Variants in DRG2 observed in about 807,000 individuals in gnomAD.
DRG2 encodes developmentally-regulated GTP-binding protein 2.
A neutral mutation model predicts 53.4 loss-of-function variants in DRG2; 36 were observed. The ratio of observed to expected loss-of-function variants is 0.67; its 90% CI spans 0.52 to 0.89. The LOEUF (loss-of-function observed/expected upper bound fraction) is 0.89. Ranked by LOEUF, DRG2 falls within the 40% of genes least tolerant of loss-of-function variation. The pLI, the probability that DRG2 is intolerant of heterozygous loss-of-function variation, is 0.00. For synonymous variants in DRG2, 167 were observed against 192.1 expected (o/e 0.87, Z 1.08); for missense variants, 342 against 481.2 (o/e 0.71, Z 2.71).
rs2045479083 is a variant in DRG2 at position 18,098,952 on chromosome 17, T to C, written c.316-65T>C. The C allele has an allele frequency of 8.8e-6, 14 of 1,586,742 alleles. No individual in the cohort carries two copies. Among genetic ancestry groups the C allele is most frequent in the East Asian group, 2.2e-5 (1 of 44,612 alleles). Reference sequence around the variant, plus strand: ...CCGGGGCCATTCCAGATGTCCCAGATCCAGACAGGACCTTTCCAGTGGAGG... The same window carrying C: ...CCGGGGCCATTCCAGATGTCCCAGACCCAGACAGGACCTTTCCAGTGGAGG... On this transcript the variant is annotated intron_variant, in intron 3 of 12. Coordinates refer to ENST00000225729, the MANE Select transcript of DRG2 (RefSeq NM_001388.5). This position sits in a 1 kb window ranked among gnomAD's most constrained non-coding sequence, Gnocchi z 4.1.
rs559616099 is a variant in DRG2 at position 18,107,244 on chromosome 17, C to G, written c.*4C>G. 1 of 1,612,246 alleles carries G rather than the reference C, an allele frequency of 6.2e-7. No homozygotes were observed. The highest frequency in any genetic ancestry group is 1.3e-5 in the African/African-American group (1 of 75,064). On this transcript the variant is annotated 3_prime_UTR_variant, in exon 13 of 13. Transcript: ENST00000225729. ...CATCCAGATCGTGAAGAAGTAACGG[C>G]GCCTGCCGGGCCTCCCGCCCACCTG...
In DRG2 at chr17:18,103,789, C is replaced by G; in HGVS notation, c.807-12C>G. On this transcript the variant is annotated splice_polypyrimidine_tract_variant and intron_variant, in intron 9 of 12. Transcript: ENST00000225729. This position sits in a 1 kb window ranked among gnomAD's most constrained non-coding sequence, Gnocchi z 4.4. ...GGGGCCCCTGCCTGACTGGCCGCCTCCCTCTTTGCAGCTGCGGCATGAAGC... is the reference window on the plus strand; with the variant it reads ...GGGGCCCCTGCCTGACTGGCCGCCTGCCTCTTTGCAGCTGCGGCATGAAGC... 1 of 1,614,078 alleles carries G rather than the reference C, an allele frequency of 6.2e-7. No homozygotes were observed.
At position 18,093,907 on chromosome 17, in the gene DRG2, G is replaced by C. The variant is rs2045381675; in HGVS notation, c.159G>C (p.Glu53Asp). 4 of 1,614,090 alleles carry C rather than the reference G, an allele frequency of 2.5e-6. No individual in the cohort carries two copies. In the South Asian group the frequency reaches 4.4e-5, roughly 18 times the overall value. ...EPSKSASSKG[E>D]GFDVMKSGDA... ...CCAAATCGGCCTCGTCCAAAGGAGA[G>C]GGCTTTGATGTCATGAAGTCGGGTG... The change falls in exon 2 of 13, where the codon GAG becomes GAC. Residue 53 changes from glutamate to aspartate, a missense_variant. By Grantham distance (45) the Glu-to-Asp change is conservative (BLOSUM62 2). Coordinates refer to ENST00000225729, the MANE Select transcript of DRG2 (RefSeq NM_001388.5).
At chr17:18,090,406 ATTTTTTTTTT>A (rs1186716416) in intron 1 of DRG2, among the ~76,000 whole-genome samples, 1 of 22,704 alleles carries the variant, frequency 4.4e-5, no homozygotes, top group Non-Finnish European at 7.3e-5. Context: ...ATATATATAT[ATTTTTTTTTT>A]TTTTTTTTTT....
chr17:18,099,465 A>T lies in DRG2; in HGVS notation c.377-168A>T. Reference sequence around the variant, plus strand: ...TGGTGGTGTCGGATTTTCTTCTGAAATAAGTCTCCGTCAGTAAAACATGTG... The same window carrying T: ...TGGTGGTGTCGGATTTTCTTCTGAATTAAGTCTCCGTCAGTAAAACATGTG... On this transcript the variant is annotated intron_variant, in intron 4 of 12. Transcript: ENST00000225729. The surrounding 1 kb of genome is among the most constrained non-coding windows in gnomAD (Gnocchi z 4.4). 1.4e-6 allele frequency: 1 copy of T among 723,094 alleles called. No homozygotes were observed. The highest frequency in any genetic ancestry group is 1.7e-5 in the South Asian group (1 of 60,596). The allele number at this position is 723,094 out of a possible 1,614,324, so 44.8% of individuals were successfully genotyped here.
rs2045504303 is a variant in DRG2, at chr17:18,100,155, C to T, written c.468-208C>T. ...CTTGCCTGTGCATGCCGACCGTAAACCGGGCCAGTCCCCTCTGGGACTGTG... is the reference window on the plus strand; with the variant it reads ...CTTGCCTGTGCATGCCGACCGTAAATCGGGCCAGTCCCCTCTGGGACTGTG... On this transcript the variant is annotated intron_variant, in intron 5 of 12. Transcript: ENST00000225729. The surrounding 1 kb of genome is among the most constrained non-coding windows in gnomAD (Gnocchi z 4.1). 1.6e-6 allele frequency: 1 copy of T among 618,118 alleles called. No individual in the cohort carries two copies. The highest frequency in any genetic ancestry group is 2.0e-5 in the South Asian group (1 of 51,236). The allele number at this position is 618,118 out of a possible 1,614,324, so 38.3% of individuals were successfully genotyped here.
chr17:18,099,412 C>T lies in DRG2; in HGVS notation c.377-221C>T, dbSNP rs117146963. ...ATGGTAGGGGTGGGCGTAGGACAGC[C>T]GTTATTATCCTGTTACTCCTTTTAT... On this transcript the variant is annotated intron_variant, in intron 4 of 12. Transcript: ENST00000225729. This position sits in a 1 kb window ranked among gnomAD's most constrained non-coding sequence, Gnocchi z 4.4. 5.3e-3 allele frequency: 3,356 copies of T among 631,492 alleles called. 22 individuals are homozygous for T. The highest frequency in any genetic ancestry group is 8.0e-3 in the Middle Eastern group (20 of 2,512). 39.1% of individuals were successfully genotyped at this position (631,492 alleles called of 1,614,324 possible). A position where few individuals can be genotyped will look rare whatever the true frequency, so the allele number is the denominator to read the frequency against.
At chr17:18,097,765 A>G (rs1290379930) in intron 2 of DRG2, 2 of 152,618 alleles carry the variant, frequency 1.3e-5, no homozygotes, top group East Asian at 3.9e-4. Context: ...GGTCACATCC[A>G]CATCTTCCCA....
Position 18,100,777 on chromosome 17 carries a change from C to T in DRG2, c.631+118C>T. 1.0e-6 allele frequency: 1 copy of T among 973,094 alleles called. No individual in the cohort carries two copies. The highest frequency in any genetic ancestry group is 2.6e-5 in the East Asian group (1 of 38,068). The allele number at this position is 973,094 out of a possible 1,614,324, so 60.3% of individuals were successfully genotyped here. A position where few individuals can be genotyped will look rare whatever the true frequency, so the allele number is the denominator to read the frequency against. ...GTGGCAGCAGGTCACCCCCACTGCC[C>T]CTGCTGTCCATTCAAGTAGCCTCTG... On this transcript the variant is annotated intron_variant, in intron 7 of 12. Transcript: ENST00000225729. This position sits in a 1 kb window ranked among gnomAD's most constrained non-coding sequence, Gnocchi z 4.1.
intron 1 of DRG2, chr17:18,091,928 T>G (rs2045341363): frequency 6.6e-6 from 1 of 152,172 alleles, no homozygotes; most frequent in South Asian, 2.1e-4. Context: ...ATTAAGAAAC[T>G]GATGCACAAG....
In DRG2 at chr17:18,098,547, G is replaced by C; in HGVS notation, c.315+188G>C. 1.8e-6 allele frequency: 1 copy of C among 557,100 alleles called. No homozygotes were observed. The highest frequency in any genetic ancestry group is 2.0e-5 in the South Asian group (1 of 49,658). The allele number at this position is 557,100 out of a possible 1,614,324, so 34.5% of individuals were successfully genotyped here. ...AGCTGCTGGACCCCAGAGATGCCTG[G>C]TGGGGCCTGGAACTAGGAGGTCAGG... On this transcript the variant is annotated intron_variant, in intron 3 of 12. Transcript: ENST00000225729. This position sits in a 1 kb window ranked among gnomAD's most constrained non-coding sequence, Gnocchi z 4.1.
chr17:18,098,449 G>A lies in DRG2; in HGVS notation c.315+90G>A. On this transcript the variant is annotated intron_variant, in intron 3 of 12. Transcript: ENST00000225729. This position sits in a 1 kb window ranked among gnomAD's most constrained non-coding sequence, Gnocchi z 4.1. ...GCCCACCCTGTGTGTGAGTCTGGGT[G>A]GATGTCCCCATGTCAGGACAGGCTC... 1 of 1,187,084 alleles carries A rather than the reference G, an allele frequency of 8.4e-7. No individual in the cohort carries two copies. Among genetic ancestry groups the A allele is most frequent in the Non-Finnish European group, 1.3e-6 (1 of 798,870 alleles). 73.5% of individuals were successfully genotyped at this position (1,187,084 alleles called of 1,614,324 possible).
In DRG2 at chr17:18,101,595, G is replaced by A; in HGVS notation, c.729+5G>A. The A allele has an allele frequency of 1.2e-6, 2 of 1,613,520 alleles. No homozygotes were observed. Among genetic ancestry groups the A allele is most frequent in the Non-Finnish European group, 1.7e-6 (2 of 1,179,498 alleles). On this transcript the variant is annotated splice_donor_5th_base_variant and intron_variant, in intron 8 of 12. Transcript: ENST00000225729. ...GTGTACATGCCCTGCCTGTATGTAA[G>A]TGCAGGAGGGGAGCCCTGGCCTGGC...
At chr17:18,101,810 G>A (rs751329659) in intron 8 of DRG2, 111 bp from the exon 9 acceptor site, 139 of 1,311,070 alleles carry the variant, frequency 1.1e-4, no homozygotes, top group Non-Finnish European at 5.0e-5. Context: ...GAGGAAGGGC[G>A]TAGACTCAGC....
intron 11 of DRG2, 67 bp downstream of exon 11, chr17:18,104,748 C>T (rs1041108243): frequency 2.1e-5 from 33 of 1,609,698 alleles, no homozygotes; most frequent in Non-Finnish European, 2.7e-5. Flanking sequence ...CTCTGTTCTG[C>T]CTGAGGTGCC....
rs199769550 is a variant in DRG2, at chr17:18,087,992, C to T, written c.-32C>T. 2,574 of 1,545,266 alleles carry T rather than the reference C, an allele frequency of 1.7e-3. 4 individuals are homozygous for T. The highest frequency in any genetic ancestry group is 2.0e-3 in the Non-Finnish European group (2,271 of 1,145,114). ...ACCGGAATTGCCGGTGCCGCCGCCA[C>T]CGCTGTCTGTGCGCCCACCTCTGCT... On this transcript the variant is annotated 5_prime_UTR_variant, in exon 1 of 13. Transcript: ENST00000225729.
intron 1 of DRG2, among the ~76,000 whole-genome samples, chr17:18,088,631 G>A (rs1474882706): frequency 6.6e-6 from 1 of 152,148 alleles, no homozygotes; most frequent in East Asian, 1.9e-4. Flanking sequence ...CTGTAAATGG[G>A]GTAATACTCC....
At chr17:18,106,514 G>C (rs763521390) in intron 12 of DRG2, 28 bp downstream of exon 12, 9 of 1,613,484 alleles carry the variant, frequency 5.6e-6, no homozygotes, top group East Asian at 4.5e-5. Flanking sequence ...AAGCAACCAG[G>C]GGGGTAGACC....
rs909595372 is a variant in DRG2 at position 18,099,553 on chromosome 17, G to A, written c.377-80G>A. On this transcript the variant is annotated intron_variant, in intron 4 of 12. Transcript: ENST00000225729. The surrounding 1 kb of genome is among the most constrained non-coding windows in gnomAD (Gnocchi z 4.4). ...CAGAGGCTGTGGTAGGTCTGTAAAG[G>A]ACAGGAGTCCAGGGCGCCGTGGGCT... The A allele has an allele frequency of 1.2e-5, 17 of 1,437,946 alleles. No homozygotes were observed. The highest frequency in any genetic ancestry group is 1.5e-5 in the Non-Finnish European group (16 of 1,043,808). The allele number at this position is 1,437,946 out of a possible 1,614,324, so 89.1% of individuals were successfully genotyped here.
Sources: allele counts gnomAD v4.1 joint callset (sites outside exome capture counted in the v4.1 genomes callset), GRCh38; gene constraint gnomAD v4.1.1; non-coding constraint Gnocchi (gnomAD v3.1); transcripts MANE v1.5; gene names NCBI Gene and HGNC (gene_info 2026-07-23, HGNC 2026-07-21).